Variants in DICER1 observed in about 807,000 individuals in gnomAD.
DICER1 encodes dicer 1, ribonuclease III.
In DICER1, 43 loss-of-function variants were observed where a neutral mutation model predicts 194.1. The ratio of observed to expected loss-of-function variants is 0.22; its 90% CI spans 0.17 to 0.29. DICER1 has a LOEUF of 0.29. Among genes scored for constraint, DICER1 ranks in the 10% least tolerant of loss-of-function variants. The pLI, the probability that DICER1 is intolerant of heterozygous loss-of-function variation, is 1.00. For synonymous variants in DICER1, 832 were observed against 820.5 expected, an observed-to-expected ratio of 1.01 and a Z score of -0.24; for missense variants, 1,608 against 2,317.0, an observed-to-expected ratio of 0.69 and a Z score of 6.28.
rs1411469641 is a variant in DICER1, at chr14:95,133,540, G to T, written c.-45-37C>A. The T allele has an allele frequency of 3.8e-5, 55 of 1,444,260 alleles. No individual in the cohort carries two copies. In the South Asian group the frequency reaches 6.1e-4, roughly 16 times the overall value. The allele number at this position is 1,444,260 out of a possible 1,614,324, so 89.5% of individuals were successfully genotyped here. A position where few individuals can be genotyped will look rare whatever the true frequency, so the allele number is the denominator to read the frequency against. On this transcript the variant is annotated intron_variant, in intron 1 of 26. Transcript: ENST00000343455. ...AAAAAGAATACCATTACACAATCAT[G>T]CAGGGTTAAAAACAAAGAAAGCACA...
intron 3 of DICER1, 138 bp from the exon 4 acceptor site, chr14:95,131,777 T>A: frequency 1.2e-6 from 1 of 855,040 alleles, no homozygotes; most frequent in Non-Finnish European, 1.9e-6. Context: ...ATAGCCTCTT[T>A]AAAACCACAG....
intron 17 of DICER1, 77 bp downstream of exon 17, chr14:95,107,531 T>G (rs1450142690): frequency 3.6e-5 from 53 of 1,479,878 alleles, no homozygotes; most frequent in Non-Finnish European, 4.6e-5. Flanking sequence ...ACTGCAGGCG[T>G]GAGCCACCGT....
chr14:95,091,101 A>T lies in DICER1; in HGVS notation c.5536T>A (p.Ser1846Thr). Reference protein sequence around the residue: ...PMMRPLIEKFSANVPRSPVRE... With the variant: ...PMMRPLIEKFTANVPRSPVRE... ...ACAGGGGAACGGGGTACATTTGCAG[A>T]AAACTTTTCTGCAATCAAAATGAAA... The change falls in exon 26 of 27, where the codon TCT (serine) becomes ACT (threonine). Residue 1846 changes from serine to threonine, a missense_variant. Coordinates refer to ENST00000343455, the MANE Select transcript of DICER1 (RefSeq NM_177438.3). The T allele has an allele frequency of 2.5e-6, 4 of 1,614,158 alleles. No individual in the cohort carries two copies. Among genetic ancestry groups the T allele is most frequent in the Non-Finnish European group, 3.4e-6 (4 of 1,180,016 alleles).
chr14:95,103,481 G>T lies in DICER1; in HGVS notation c.3915C>A (p.Asn1305Lys). The T allele has an allele frequency of 6.2e-7, 1 of 1,614,148 alleles. No individual in the cohort carries two copies. The highest frequency in any genetic ancestry group is 8.5e-7 in the Non-Finnish European group (1 of 1,180,034). The stretch of plus-strand genomic sequence containing the variant: ...GCTCCAGGTTAAATCCATCACTAGC[G>T]TTTGACAGAGTCAAAGCCTGAAGAA... ...GLILQALTLSNASDGFNLERL... is the reference protein window; with the variant it reads ...GLILQALTLSKASDGFNLERL... Residue 1305 changes from asparagine (N) to lysine (K), a missense_variant, in exon 21 of 27, where the codon AAC (asparagine) becomes AAA (lysine). Transcript: ENST00000343455.
At chr14:95,132,390 T>A in intron 3 of DICER1, 125 bp downstream of exon 3, 1 of 1,041,040 alleles carries the variant, frequency 9.6e-7, no homozygotes, top group Middle Eastern at 2.2e-4. Flanking sequence ...CAGAAGAGAT[T>A]AAATGAGTAC....
chr14:95,109,174 C>T (rs1319359302), intron 14 of DICER1, among the ~76,000 whole-genome samples: 2 of 152,168 alleles, frequency 1.3e-5, no homozygotes, highest in Non-Finnish European at 2.9e-5. Context: ...GTAATGGCTA[C>T]CTCATTATGT....
chr14:95,121,540 G>T (rs1718448477), intron 8 of DICER1, among the ~76,000 whole-genome samples: 1 of 152,022 alleles, frequency 6.6e-6, no homozygotes, highest in Non-Finnish European at 1.5e-5. Flanking sequence ...AAAATAAAAA[G>T]TTATTAGGAA....
At chr14:95,104,926 CTG>C in intron 20 of DICER1, 143 bp downstream of exon 20, 1 of 776,802 alleles carries the variant, frequency 1.3e-6, no homozygotes, top group Non-Finnish European at 2.1e-6. Flanking sequence ...TCATCTCCCT[CTG>C]AGACTTGACA....
intron 1 of DICER1, chr14:95,141,746 A>T (rs1417926901): frequency 2.6e-5 from 4 of 152,262 alleles, no homozygotes; most frequent in African/African-American, 9.6e-5. Context: ...TACCCTAGGT[A>T]ACCTAAAAGC....
At chr14:95,101,890 T>C (rs1486053300) in intron 21 of DICER1, among the ~76,000 whole-genome samples, 1 of 152,258 alleles carries the variant, frequency 6.6e-6, no homozygotes, top group East Asian at 1.9e-4. Flanking sequence ...GATGGTTCTA[T>C]CCGGAGCAGT....
In DICER1 at chr14:95,090,728, T is replaced by C. The variant is rs551433231; in HGVS notation, c.5604-65A>G. On this transcript the variant is annotated intron_variant, in intron 26 of 26. Coordinates refer to ENST00000343455, the MANE Select transcript of DICER1 (RefSeq NM_177438.3). The stretch of plus-strand genomic sequence containing the variant: ...TATTTATTATCATTGTCAATCAGCA[T>C]TTAGTGTGCACTCTCAGGCCAGGAG... 7.4e-4 allele frequency: 1,172 copies of C among 1,581,924 alleles called. 25 individuals are homozygous for C. The South Asian group carries it at 0.012, about 16-fold the overall frequency.
At chr14:95,123,281 T>C (rs999341125) in intron 8 of DICER1, among the ~76,000 whole-genome samples, 5 of 152,184 alleles carry the variant, frequency 3.3e-5, no homozygotes, top group African/African-American at 1.2e-4. Flanking sequence ...GGCCTAAAAT[T>C]TGGATTCAAT....
At chr14:95,103,016 AT>A (rs36042072) in intron 21 of DICER1, among the ~76,000 whole-genome samples, 1 of 152,188 alleles carries the variant, frequency 6.6e-6, no homozygotes, top group East Asian at 1.9e-4. Flanking sequence ...TACAATGCAC[AT>A]TTCTTCATAT....
chr14:95,120,999 A>T (rs980222448), intron 8 of DICER1, among the ~76,000 whole-genome samples: 1 of 152,252 alleles, frequency 6.6e-6, no homozygotes, highest in Non-Finnish European at 1.5e-5. Flanking sequence ...GATGAAGATG[A>T]ACATGACGAG....
Position 95,104,142 on chromosome 14 carries a change from T to C in DICER1, c.3270-16A>G, listed in dbSNP as rs778256507. The C allele has an allele frequency of 4.1e-5, 65 of 1,603,008 alleles. No individual in the cohort carries two copies. Among genetic ancestry groups the C allele is most frequent in the Non-Finnish European group, 5.3e-5 (62 of 1,174,926 alleles). On this transcript the variant is annotated splice_polypyrimidine_tract_variant and intron_variant, in intron 20 of 26. Coordinates refer to ENST00000343455, the MANE Select transcript of DICER1 (RefSeq NM_177438.3). ...GTTAGGGTATCTGCAAAGACATTTT[T>C]ATAACTTTACATCAGATTCTTCAAA...
At position 95,133,602 on chromosome 14, in the gene DICER1, C is replaced by T. The variant is rs746044872; in HGVS notation, c.-45-99G>A. 9.0e-6 allele frequency: 8 copies of T among 891,472 alleles called. No homozygotes were observed. In the African/African-American group the frequency reaches 1.3e-4, roughly 15 times the overall value. 55.2% of individuals were successfully genotyped at this position (891,472 alleles called of 1,614,324 possible). A position where few individuals can be genotyped will look rare whatever the true frequency, so the allele number is the denominator to read the frequency against. On this transcript the variant is annotated intron_variant, in intron 1 of 26. Coordinates refer to ENST00000343455, the MANE Select transcript of DICER1 (RefSeq NM_177438.3). Reference sequence around the variant, plus strand: ...AACATCAGAATATCATTCCTATGAGCCATTCAAACTCTTCCTATAATTGTT... The same window carrying T: ...AACATCAGAATATCATTCCTATGAGTCATTCAAACTCTTCCTATAATTGTT...
At chr14:95,099,221 G>A (rs902935129) in intron 22 of DICER1, among the ~76,000 whole-genome samples, 2 of 152,130 alleles carry the variant, frequency 1.3e-5, no homozygotes, top group African/African-American at 4.8e-5. Flanking sequence ...AAATGAAGTG[G>A]CTGTTGCTGA....
chr14:95,129,758 A>T (rs576070806), intron 5 of DICER1, 126 bp from the exon 6 acceptor site: 1 of 902,860 alleles, frequency 1.1e-6, no homozygotes, highest in Non-Finnish European at 1.7e-6. Flanking sequence ...TTTGGTGGAA[A>T]TGCCACTATA....
Position 95,096,088 on chromosome 14 carries a change from T to G in DICER1, c.4832A>C (p.Asn1611Thr), listed in dbSNP as rs763472931. The change falls in exon 23 of 27, where the codon AAC (asparagine) becomes ACC (threonine). Residue 1611 changes from asparagine to threonine, a missense_variant. By Grantham distance (65) the Asn-to-Thr change is moderately conservative. Coordinates refer to ENST00000343455, the MANE Select transcript of DICER1 (RefSeq NM_177438.3). ...CACTGAAAGGTTCTTTTGTTGGCTGTTGAAATTCTCCCGAGTAGGGCACAG... is the reference window on the plus strand; with the variant it reads ...CACTGAAAGGTTCTTTTGTTGGCTGGTGAAATTCTCCCGAGTAGGGCACAG... The part of the protein sequence containing the change: ...KALCPTRENF[N>T]SQQKNLSVSC... 10 of 1,614,110 alleles carry G rather than the reference T, an allele frequency of 6.2e-6. No homozygotes were observed. The highest frequency in any genetic ancestry group is 2.7e-5 in the African/African-American group (2 of 74,940).
Sources: gnomAD v4.1 joint callset for allele counts (sites outside exome capture counted in the v4.1 genomes callset) on GRCh38, gnomAD v4.1.1 for gene constraint, MANE v1.5 for transcripts, NCBI Gene and HGNC (gene_info 2026-07-23, HGNC 2026-07-21) for gene names.